OPN5: variants seen among roughly 807,000 people sequenced by gnomAD.
The protein encoded by OPN5 is opsin-5.
A neutral mutation model predicts 41.7 loss-of-function variants in OPN5; 18 were observed. That is an observed-to-expected ratio of 0.43 (90% CI 0.30 to 0.64). The LOEUF is 0.64. OPN5 is among the 30% of genes least tolerant of loss of function. OPN5 has a pLI of 0.13. For missense variants in OPN5, 318 were observed against 434.5 expected, an observed-to-expected ratio of 0.73 and a Z score of 2.38; for synonymous variants, 178 against 164.3, an observed-to-expected ratio of 1.08 and a Z score of -0.64.
chr6:47,820,119 C>A (rs1762571530), intron 6 of OPN5, among the ~76,000 whole-genome samples: 1 of 136,896 alleles, frequency 7.3e-6, no homozygotes, highest in Admixed American at 7.9e-5. Flanking sequence ...TCTATAGCTG[C>A]TTCTCCTTTT....
chr6:47,788,652 C>T (rs1773267749), intron 2 of OPN5, among the ~76,000 whole-genome samples: 1 of 151,858 alleles, frequency 6.6e-6, no homozygotes, highest in South Asian at 2.1e-4. Context: ...CAGCTATATT[C>T]CATTATAAGC....
intron 5 of OPN5, among the ~76,000 whole-genome samples, chr6:47,810,648 A>G (rs1326616595): frequency 6.6e-6 from 1 of 152,166 alleles, no homozygotes; most frequent in African/African-American, 2.4e-5. Context: ...TGAATATGGG[A>G]TTGTGGAAAT....
At chr6:47,806,767 T>C (rs1773982883) in intron 4 of OPN5, among the ~76,000 whole-genome samples, 1 of 152,214 alleles carries the variant, frequency 6.6e-6, no homozygotes. Context: ...TGCTCACTGG[T>C]TCCTATACAG....
At chr6:47,790,737 T>C (rs1773344051) in intron 2 of OPN5, among the ~76,000 whole-genome samples, 1 of 152,232 alleles carries the variant, frequency 6.6e-6, no homozygotes, top group Non-Finnish European at 1.5e-5. Flanking sequence ...ATAATCTTTA[T>C]TCTCCAGAGT....
intron 3 of OPN5, chr6:47,793,834 A>C: frequency 1.1e-6 from 1 of 903,616 alleles, no homozygotes; most frequent in Non-Finnish European, 1.3e-6. Context: ...GCCTATGCAC[A>C]TTCCCATGAA....
chr6:47,797,446 C>A (rs765422606), intron 4 of OPN5, among the ~76,000 whole-genome samples: 1 of 152,152 alleles, frequency 6.6e-6, no homozygotes, highest in Non-Finnish European at 1.5e-5. Context: ...CTCTTACCTG[C>A]ATCTTTCAAA....
chr6:47,782,055 T>G, exon 1 of OPN5: 1 of 1,612,258 alleles, frequency 6.2e-7, no homozygotes, highest in South Asian at 1.1e-5. Context: ...TCCCTCGTGG[T>G]TCGAGAACAG....
At chr6:47,782,771 C>T (rs764647701) in intron 1 of OPN5, among the ~76,000 whole-genome samples, 20 of 152,144 alleles carry the variant, frequency 1.3e-4, no homozygotes, top group Middle Eastern at 3.4e-3. Flanking sequence ...GAAGAAAGTC[C>T]GGGGTCAAAA....
At chr6:47,801,219 C>T (rs969667971) in intron 4 of OPN5, among the ~76,000 whole-genome samples, 3 of 152,220 alleles carry the variant, frequency 2.0e-5, no homozygotes, top group African/African-American at 2.4e-5. Flanking sequence ...AGCGTGGCAC[C>T]TGCTAGCTGT....
chr6:47,797,054 A>G (rs949784868), intron 4 of OPN5, among the ~76,000 whole-genome samples: 1 of 152,130 alleles, frequency 6.6e-6, no homozygotes, highest in Non-Finnish European at 1.5e-5. Flanking sequence ...TGAGAACAGC[A>G]TGAGAAAGTC....
chr6:47,790,392 ACT>A (rs879689653), intron 2 of OPN5, among the ~76,000 whole-genome samples: 1 of 151,712 alleles, frequency 6.6e-6, no homozygotes, highest in Middle Eastern at 3.2e-3. Context: ...TTCAGGGGAC[ACT>A]CTCTCTCTCT....
At chr6:47,784,071 C>T (rs892921278) in intron 1 of OPN5, among the ~76,000 whole-genome samples, 1 of 152,094 alleles carries the variant, frequency 6.6e-6, no homozygotes, top group Non-Finnish European at 1.5e-5. Context: ...AGTGGGTTTG[C>T]TGAGATGGAG....
intron 4 of OPN5, among the ~76,000 whole-genome samples, chr6:47,802,660 C>G (rs554505766): frequency 6.6e-6 from 1 of 152,288 alleles, no homozygotes. Context: ...CTCCAAGCCG[C>G]ACATCCCCAC....
At chr6:47,785,931 T>C (rs1017040229) in intron 1 of OPN5, among the ~76,000 whole-genome samples, 2 of 152,160 alleles carry the variant, frequency 1.3e-5, no homozygotes, top group African/African-American at 4.8e-5. Context: ...CTGTCCTATC[T>C]GCCAGACACT....
exon 7 of OPN5, chr6:47,824,428 T>C (rs1471167995): frequency 2.2e-5 from 4 of 180,042 alleles, no homozygotes; most frequent in Non-Finnish European, 4.7e-5. Context: ...TGGGCAGAGG[T>C]GAGTGTGGAT....
rs1415727524 is a variant in OPN5 at position 47,808,394 on chromosome 6, AG to A, written c.998+1del. 6.2e-6 allele frequency: 10 copies of A among 1,613,884 alleles called. No individual in the cohort carries two copies. The highest frequency in any genetic ancestry group is 7.6e-6 in the Non-Finnish European group (9 of 1,179,952). On this transcript the variant is annotated frameshift_variant and splice_region_variant, in exon 5 of 7. Coordinates refer to ENST00000371211, the Ensembl canonical transcript of OPN5. LOFTEE classifies it high-confidence loss of function. ...CAAGAAGAAGTCTCTGGAAGGCTTC[AG>A]GTAAAACTTCAGAAGCTGGAAATGA...
At chr6:47,796,956 T>C (rs1234672330) in intron 4 of OPN5, among the ~76,000 whole-genome samples, 3 of 152,202 alleles carry the variant, frequency 2.0e-5, no homozygotes, top group African/African-American at 7.2e-5. Context: ...AGCAAAGTCA[T>C]GTCTTATATG....
At chr6:47,784,159 T>C (rs997843482) in intron 1 of OPN5, among the ~76,000 whole-genome samples, 10 of 152,010 alleles carry the variant, frequency 6.6e-5, no homozygotes, top group African/African-American at 2.2e-4. Context: ...GTGGAGCCAA[T>C]GGTATGTTAG....
chr6:47,822,740 T>C (rs1254275133), intron 6 of OPN5, among the ~76,000 whole-genome samples: 1 of 152,248 alleles, frequency 6.6e-6, no homozygotes, highest in East Asian at 1.9e-4. Context: ...AGATTGGCCA[T>C]GAGAGCTAAT....
Sources: gnomAD v4.1 joint callset for allele counts (sites outside exome capture counted in the v4.1 genomes callset) on GRCh38, gnomAD v4.1.1 for gene constraint, MANE v1.5 for transcripts, NCBI Gene and HGNC (gene_info 2026-07-23, HGNC 2026-07-21) for gene names.